PCSK5: variants seen among roughly 807,000 people sequenced by gnomAD.
PCSK5 encodes the protein prohormone convertase 5.
PCSK5 carries 129 observed loss-of-function variants against 233.2 expected under a neutral mutation model. That is an observed-to-expected ratio of 0.55 (90% confidence interval 0.48 to 0.64). The LOEUF (loss-of-function observed/expected upper bound fraction) is 0.64, where lower values mean the gene tolerates loss of function less well. Among genes scored for constraint, PCSK5 ranks in the 30% least tolerant of loss-of-function variants. The pLI is 0.00. For synonymous variants in PCSK5, 825 were observed against 879.2 expected (o/e 0.94, Z 1.09); for missense variants, 2,076 against 2,430.1 (o/e 0.85, Z 3.06).
intron 3 of PCSK5, among the ~76,000 whole-genome samples, chr9:76,008,426 G>T (rs1827575938): frequency 6.6e-6 from 1 of 151,608 alleles, no homozygotes; most frequent in African/African-American, 2.4e-5. Context: ...TCCTATTCTG[G>T]GTAGGAAGCA....
At chr9:76,078,590 A>C (rs891039651) in intron 7 of PCSK5, among the ~76,000 whole-genome samples, 1 of 151,966 alleles carries the variant, frequency 6.6e-6, no homozygotes, top group African/African-American at 2.4e-5. Context: ...TCCTTTCTCT[A>C]TTGCTATTTT....
chr9:75,942,782 A>G (rs1824372599), intron 2 of PCSK5, among the ~76,000 whole-genome samples: 1 of 152,160 alleles, frequency 6.6e-6, no homozygotes, highest in African/African-American at 2.4e-5. Context: ...GAGGGGAGGC[A>G]GGTTATGGAT....
chr9:76,318,478 A>G (rs1450298536), intron 30 of PCSK5, among the ~76,000 whole-genome samples: 1 of 151,082 alleles, frequency 6.6e-6, no homozygotes, highest in African/African-American at 2.4e-5. Context: ...AAAAAAAAAG[A>G]AAAAAGAAAA....
At chr9:76,291,306 G>T (rs1828269494) in intron 24 of PCSK5, among the ~76,000 whole-genome samples, 1 of 152,188 alleles carries the variant, frequency 6.6e-6, no homozygotes, top group South Asian at 2.1e-4. Flanking sequence ...AGAAAGGAAA[G>T]CTATGCACAA....
chr9:75,890,811 C>T lies in PCSK5; in HGVS notation c.-371C>T, dbSNP rs538594765. The T allele has an allele frequency of 1.4e-4, 28 of 198,384 alleles. No individual in the cohort carries two copies. The highest frequency in any genetic ancestry group is 7.8e-4 in the Admixed American group (13 of 16,564). The allele number at this position is 198,384 out of a possible 1,614,324, so 12.3% of individuals were successfully genotyped here. ...TCCCGCTGGTCATCTCCGCCGCGCT[C>T]GGGGGCCCCGGGAGGAGCGAGACCG... On this transcript the variant is annotated 5_prime_UTR_variant, in exon 1 of 38. Transcript: ENST00000674117.
At chr9:76,040,395 C>CTCTGTCTCTCTGTCTCTCTGTCTCTCTG (rs774103438) in intron 5 of PCSK5, among the ~76,000 whole-genome samples, 12 of 112,000 alleles carry the variant, frequency 1.1e-4, no homozygotes, top group East Asian at 3.1e-4. Context: ...GTCTCTCTCT[C>CTCTGTCTCTCTGTCTCTCTGTCTCTCTG]TCTCTCTCTC....
intron 34 of PCSK5, among the ~76,000 whole-genome samples, chr9:76,337,593 C>T (rs1829713513): frequency 6.6e-6 from 1 of 152,192 alleles, no homozygotes; most frequent in Non-Finnish European, 1.5e-5. Flanking sequence ...CCTGCATCAG[C>T]CTCCCAAGTA....
chr9:75,927,930 G>C (rs147544657), intron 1 of PCSK5, among the ~76,000 whole-genome samples: 1 of 152,256 alleles, frequency 6.6e-6, no homozygotes, highest in East Asian at 1.9e-4. Flanking sequence ...TCATTTATTA[G>C]TATAAAATAG....
intron 5 of PCSK5, among the ~76,000 whole-genome samples, chr9:76,051,523 T>G (rs144306184): frequency 1.0e-3 from 157 of 152,282 alleles, no homozygotes; most frequent in African/African-American, 3.5e-3. Context: ...TTCTGACAGT[T>G]CATTACTTGA....
At chr9:75,993,057 AT>A (rs979596508) in intron 3 of PCSK5, among the ~76,000 whole-genome samples, 6 of 151,922 alleles carry the variant, frequency 3.9e-5, no homozygotes, top group African/African-American at 1.5e-4. Context: ...GTTGGCACAC[AT>A]TTTTCTAATG....
At chr9:76,120,080 T>C (rs1020872617) in intron 9 of PCSK5, among the ~76,000 whole-genome samples, 1 of 152,076 alleles carries the variant, frequency 6.6e-6, no homozygotes, top group African/African-American at 2.4e-5. Context: ...TTTTTCATCA[T>C]TAAAGTTGAA....
intron 1 of PCSK5, among the ~76,000 whole-genome samples, chr9:75,904,761 A>G (rs1460688744): frequency 1.3e-5 from 2 of 152,236 alleles, no homozygotes; most frequent in African/African-American, 4.8e-5. Flanking sequence ...AAGGTGAAAC[A>G]TACAGCTACT....
At position 75,916,312 on chromosome 9, in the gene PCSK5, G is replaced by T. The variant is rs575985291; in HGVS notation, c.193-16067G>T. 4.6e-5 allele frequency among the ~76,000 whole-genome samples: 7 copies of T among 152,162 alleles called. No individual in the cohort carries two copies. The South Asian group carries it at 1.5e-3, about 32-fold the overall frequency. On this transcript the variant is annotated intron_variant, in intron 1 of 37. Coordinates refer to ENST00000674117, the MANE Select transcript of PCSK5 (RefSeq NM_001372043.1). The stretch of plus-strand genomic sequence containing the variant: ...TTCTCTTGCTATTAGTATAAACTTG[G>T]GTAAATTACTGAATTTAGCGGTGCC...
chr9:76,242,477 A>C (rs562830116), intron 24 of PCSK5, among the ~76,000 whole-genome samples: 1 of 152,328 alleles, frequency 6.6e-6, no homozygotes, highest in South Asian at 2.1e-4. Context: ...ATAAACACTT[A>C]AGAAGAAGAT....
At chr9:76,174,890 T>C (rs1454050106) in intron 13 of PCSK5, 96 bp from the exon 14 acceptor site, 19 of 1,119,380 alleles carry the variant, frequency 1.7e-5, no homozygotes, top group Non-Finnish European at 2.1e-5. Context: ...CTCCCACAGT[T>C]CTGTTGCTTT....
intron 7 of PCSK5, among the ~76,000 whole-genome samples, chr9:76,095,074 T>C (rs1425288859): frequency 6.6e-6 from 1 of 152,260 alleles, no homozygotes; most frequent in Non-Finnish European, 1.5e-5. Flanking sequence ...AGCATTCATT[T>C]ATTAAAGGTT....
chr9:76,085,162 A>G (rs138537039), intron 7 of PCSK5, among the ~76,000 whole-genome samples: 4 of 152,338 alleles, frequency 2.6e-5, no homozygotes, highest in Non-Finnish European at 4.4e-5. Context: ...GTTCACACTC[A>G]GCTCCTAGTC....
At chr9:75,919,317 G>A (rs1276358721) in intron 1 of PCSK5, among the ~76,000 whole-genome samples, 2 of 152,208 alleles carry the variant, frequency 1.3e-5, no homozygotes, top group Admixed American at 1.3e-4. Flanking sequence ...TTGATGAGCA[G>A]TATGACATTG....
At chr9:76,040,387 C>CTCTCTCTCTCTG (rs1829063695) in intron 5 of PCSK5, among the ~76,000 whole-genome samples, 1 of 39,044 alleles carries the variant, frequency 2.6e-5, no homozygotes, top group Non-Finnish European at 4.8e-5. Context: ...CTCTCTCTGT[C>CTCTCTCTCTCTG]TCTCTCTCTC....
Sources: gnomAD v4.1 joint callset for allele counts (sites outside exome capture counted in the v4.1 genomes callset) on GRCh38, gnomAD v4.1.1 for gene constraint, MANE v1.5 for transcripts, NCBI Gene and HGNC (gene_info 2026-07-23, HGNC 2026-07-21) for gene names.